Variants in EFCAB6 observed in about 807,000 individuals in gnomAD.
EFCAB6 encodes the protein EF-hand calcium-binding domain-containing protein 6.
In EFCAB6, 156 loss-of-function variants were observed where a neutral mutation model predicts 169.8. The ratio of observed to expected loss-of-function variants is 0.92; its 90% CI spans 0.81 to 1.05. The LOEUF (loss-of-function observed/expected upper bound fraction) is 1.05, where lower values mean the gene tolerates loss of function less well. EFCAB6 is among the 50% of genes least tolerant of loss of function. The probability of loss-of-function intolerance (pLI) is 0.00; values close to 1 mark genes in which losing one functional copy is unlikely to be tolerated. For missense variants in EFCAB6, 1,800 were observed against 1,829.1 expected (o/e 0.98, Z 0.29); for synonymous variants, 698 against 676.4 (o/e 1.03, Z -0.50).
intron 5 of EFCAB6, among the ~76,000 whole-genome samples, chr22:43,764,067 T>G (rs926641050): frequency 6.6e-6 from 1 of 150,686 alleles, no homozygotes; most frequent in Admixed American, 6.6e-5. Flanking sequence ...CAGCCTCAAG[T>G]TTTATTTTAG....
chr22:43,780,740 C>T (rs147618556), intron 3 of EFCAB6, among the ~76,000 whole-genome samples: 1 of 152,262 alleles, frequency 6.6e-6, no homozygotes, highest in African/African-American at 2.4e-5. Context: ...TTTGGGTAGA[C>T]ACACGGTTGT....
Position 43,635,263 on chromosome 22 carries a change from G to A in EFCAB6, c.1984-47C>T, listed in dbSNP as rs150873276. On this transcript the variant is annotated intron_variant, in intron 17 of 31. Coordinates refer to ENST00000262726, the MANE Select transcript of EFCAB6 (RefSeq NM_022785.4). ...GGTGGAGAGGCGTTAGGTGGTCCGC[G>A]GGTCACTACTCCCAGAGCACCTCCT... 444 of 1,363,396 alleles carry A rather than the reference G, an allele frequency of 3.3e-4. 1 individual carries two copies. The African/African-American group carries it at 5.6e-3, about 17-fold the overall frequency. The allele number at this position is 1,363,396 out of a possible 1,614,324, so 84.5% of individuals were successfully genotyped here.
At chr22:43,577,394 A>G (rs2050332147) in intron 25 of EFCAB6, among the ~76,000 whole-genome samples, 1 of 152,202 alleles carries the variant, frequency 6.6e-6, no homozygotes, top group South Asian at 2.1e-4. Flanking sequence ...GTGATGGCAT[A>G]TGTGTAATCA....
At chr22:43,544,640 C>T (rs1033151021) in intron 27 of EFCAB6, among the ~76,000 whole-genome samples, 4 of 152,092 alleles carry the variant, frequency 2.6e-5, no homozygotes, top group Admixed American at 2.0e-4. Flanking sequence ...TCTTGGCTGC[C>T]ACGTTCTTGG....
chr22:43,739,964 C>A (rs1470570476), intron 6 of EFCAB6, among the ~76,000 whole-genome samples: 1 of 152,122 alleles, frequency 6.6e-6, no homozygotes, highest in African/African-American at 2.4e-5. Flanking sequence ...CAGGCCACAC[C>A]CGACTGGCTC....
At chr22:43,596,349 TAA>T (rs1263215603) in intron 23 of EFCAB6, among the ~76,000 whole-genome samples, 1 of 151,984 alleles carries the variant, frequency 6.6e-6, no homozygotes, top group Admixed American at 6.6e-5. Context: ...AAAAAAAACC[TAA>T]AGACTCCACC....
At chr22:43,669,738 A>G (rs1295447943) in intron 15 of EFCAB6, among the ~76,000 whole-genome samples, 1 of 152,246 alleles carries the variant, frequency 6.6e-6, no homozygotes, top group Non-Finnish European at 1.5e-5. Flanking sequence ...AAAGTATACC[A>G]CAATGCAGAT....
intron 10 of EFCAB6, among the ~76,000 whole-genome samples, chr22:43,702,864 C>T (rs554324603): frequency 1.3e-5 from 2 of 152,280 alleles, no homozygotes; most frequent in East Asian, 3.9e-4. Context: ...TACCCTGGGG[C>T]TTTTAGACAT....
rs1240300604 is a variant in EFCAB6 at position 43,632,113 on chromosome 22, A to T, written c.2224T>A (p.Ser742Thr). 6.2e-7 allele frequency: 1 copy of T among 1,613,442 alleles called. No individual in the cohort carries two copies. The highest frequency in any genetic ancestry group is 1.3e-5 in the African/African-American group (1 of 74,790). Residue 742 changes from serine (S) to threonine (T), a missense_variant, in exon 19 of 32, where the codon TCA becomes ACA. Ser to Thr is a moderately conservative substitution (Grantham distance 58). Coordinates refer to ENST00000262726, the MANE Select transcript of EFCAB6 (RefSeq NM_022785.4). The stretch of plus-strand genomic sequence containing the variant: ...AGACAGTCACGGTTTACCCGGAATG[A>T]CTCCTTCAGCCTCCTAGGGAAAAGC... ...LKLFPRRLKE[S>T]FRDPYSAFFK...
chr22:43,637,071 G>T (rs2055459768), intron 17 of EFCAB6, among the ~76,000 whole-genome samples: 1 of 152,178 alleles, frequency 6.6e-6, no homozygotes, highest in South Asian at 2.1e-4. Flanking sequence ...ATCCAAAGAG[G>T]CCACATAGGC....
intron 8 of EFCAB6, among the ~76,000 whole-genome samples, chr22:43,730,705 T>C (rs985986039): frequency 6.6e-6 from 1 of 152,218 alleles, no homozygotes; most frequent in African/African-American, 2.4e-5. Context: ...GATTGTTTAC[T>C]TCCATCTCTT....
chr22:43,701,524 T>C (rs1189196962), intron 10 of EFCAB6, among the ~76,000 whole-genome samples: 2 of 152,056 alleles, frequency 1.3e-5, no homozygotes, highest in African/African-American at 2.4e-5. Flanking sequence ...GAAATTTAGA[T>C]TGATGAAACA....
intron 20 of EFCAB6, among the ~76,000 whole-genome samples, chr22:43,624,043 A>T (rs2054317000): frequency 2.0e-5 from 3 of 152,152 alleles, no homozygotes; most frequent in African/African-American, 7.2e-5. Flanking sequence ...CCTGAGCTCA[A>T]ATCCCTGCCC....
intron 22 of EFCAB6, 75 bp from the exon 23 acceptor site, chr22:43,600,338 T>C (rs1032501126): frequency 5.5e-6 from 8 of 1,448,810 alleles, no homozygotes; most frequent in Non-Finnish European, 7.6e-6. Context: ...GTTTGGAAAA[T>C]GCCTGCACCA....
At chr22:43,577,195 T>C (rs186574313) in intron 25 of EFCAB6, among the ~76,000 whole-genome samples, 2 of 152,198 alleles carry the variant, frequency 1.3e-5, no homozygotes, top group Non-Finnish European at 2.9e-5. Context: ...AAATGTGCTA[T>C]AAAAAGAAAG....
intron 20 of EFCAB6, among the ~76,000 whole-genome samples, chr22:43,616,646 G>A (rs913678441): frequency 1.3e-5 from 2 of 152,080 alleles, no homozygotes; most frequent in African/African-American, 4.8e-5. Flanking sequence ...GCCTGGGGGA[G>A]AGCACGAGAC....
intron 20 of EFCAB6, among the ~76,000 whole-genome samples, chr22:43,621,158 G>A (rs867993153): frequency 5.3e-5 from 8 of 150,434 alleles, no homozygotes; most frequent in Admixed American, 2.0e-4. Context: ...GTGCGATCTC[G>A]GCTCACTGCA....
intron 26 of EFCAB6, among the ~76,000 whole-genome samples, chr22:43,562,134 G>A (rs1377786128): frequency 6.6e-6 from 1 of 152,178 alleles, no homozygotes; most frequent in Non-Finnish European, 1.5e-5. Context: ...AACCATTTAC[G>A]TGTTTTCAAG....
intron 2 of EFCAB6, among the ~76,000 whole-genome samples, chr22:43,784,630 T>C (rs2061987899): frequency 2.8e-5 from 2 of 71,052 alleles, no homozygotes; most frequent in African/African-American, 5.2e-5. Flanking sequence ...TACACATATA[T>C]ATGTATATGT....
Sources: allele counts gnomAD v4.1 joint callset (sites outside exome capture counted in the v4.1 genomes callset), GRCh38; gene constraint gnomAD v4.1.1; transcripts MANE v1.5; gene names NCBI Gene and HGNC (gene_info 2026-07-23, HGNC 2026-07-21).